The following TMEFF1 variants were observed in gnomAD, a reference collection of about 807,000 sequenced individuals.
TMEFF1 encodes tomoregulin-1.
In TMEFF1, 20 loss-of-function variants were observed where a neutral mutation model predicts 47.5. That is an observed-to-expected ratio of 0.42 (90% CI 0.30 to 0.61). The LOEUF (loss-of-function observed/expected upper bound fraction) is 0.61. TMEFF1 is among the 20% of genes least tolerant of loss of function. The pLI, the probability that TMEFF1 is intolerant of heterozygous loss-of-function variation, is 0.19. For synonymous variants in TMEFF1, 162 were observed against 166.3 expected (o/e 0.97, Z 0.20); for missense variants, 411 against 471.1 (o/e 0.87, Z 1.18).
At chr9:100,548,892 T>C (rs763729827) in intron 6 of TMEFF1, among the ~76,000 whole-genome samples, 5 of 152,070 alleles carry the variant, frequency 3.3e-5, no homozygotes, top group Non-Finnish European at 5.9e-5. Context: ...CCCTTCTGGG[T>C]AGATGTCCCA....
intron 7 of TMEFF1, among the ~76,000 whole-genome samples, chr9:100,550,667 A>G (rs1838814733): frequency 1.3e-5 from 2 of 152,120 alleles, no homozygotes; most frequent in African/African-American, 4.8e-5. Context: ...CTCTCTGAAC[A>G]CTTAGCCCAC....
chr9:100,481,779 T>C (rs982193334), intron 1 of TMEFF1, among the ~76,000 whole-genome samples: 1 of 152,136 alleles, frequency 6.6e-6, no homozygotes, highest in Non-Finnish European at 1.5e-5. Context: ...TTTATTTTTA[T>C]TTTTAATTGT....
At chr9:100,555,778 T>C (rs1838904431) in intron 7 of TMEFF1, among the ~76,000 whole-genome samples, 1 of 152,206 alleles carries the variant, frequency 6.6e-6, no homozygotes, top group Admixed American at 6.5e-5. Context: ...ATATTATGGT[T>C]CATAAGTGAC....
chr9:100,544,027 T>C (rs1285771898), intron 5 of TMEFF1, among the ~76,000 whole-genome samples: 5 of 151,996 alleles, frequency 3.3e-5, no homozygotes, highest in South Asian at 2.1e-4. Context: ...TGCAACCTTT[T>C]TAATTTTTTA....
At chr9:100,498,930 TA>T in intron 2 of TMEFF1, 56 bp downstream of exon 2, 1 of 1,557,922 alleles carries the variant, frequency 6.4e-7, no homozygotes, top group Non-Finnish European at 8.7e-7. Flanking sequence ...TTTATAATTC[TA>T]AATTCTTCAA....
intron 7 of TMEFF1, among the ~76,000 whole-genome samples, chr9:100,560,471 G>C (rs961016118): frequency 1.1e-4 from 16 of 152,046 alleles, no homozygotes; most frequent in African/African-American, 3.6e-4. Context: ...TTGAGCTTAG[G>C]ATTAATGTAT....
At chr9:100,536,236 A>G (rs1838503863) in intron 5 of TMEFF1, among the ~76,000 whole-genome samples, 1 of 152,188 alleles carries the variant, frequency 6.6e-6, no homozygotes, top group African/African-American at 2.4e-5. Context: ...GTTCTTTAGT[A>G]GAAAAAAATA....
At chr9:100,553,174 T>C (rs1838857025) in intron 7 of TMEFF1, among the ~76,000 whole-genome samples, 1 of 152,198 alleles carries the variant, frequency 6.6e-6, no homozygotes, top group African/African-American at 2.4e-5. Context: ...AGGGGATCAT[T>C]GACAATCTTG....
chr9:100,564,026 G>T (rs768153570), intron 8 of TMEFF1, among the ~76,000 whole-genome samples: 47 of 152,186 alleles, frequency 3.1e-4, no homozygotes, highest in Non-Finnish European at 6.2e-4. Context: ...TTTAGCCACA[G>T]TCCTATTGTT....
chr9:100,498,101 A>G (rs1439984046), intron 1 of TMEFF1, among the ~76,000 whole-genome samples: 3 of 152,148 alleles, frequency 2.0e-5, no homozygotes, highest in African/African-American at 4.8e-5. Flanking sequence ...AGCAGGAGCA[A>G]TATGACCACA....
At chr9:100,568,595 TCTTC>T (rs60796448) in intron 8 of TMEFF1, among the ~76,000 whole-genome samples, 2 of 149,512 alleles carry the variant, frequency 1.3e-5, no homozygotes, top group East Asian at 2.0e-4. Flanking sequence ...TCCCTCCCTC[TCTTC>T]CTTCCTTCCT....
intron 8 of TMEFF1, among the ~76,000 whole-genome samples, chr9:100,569,156 T>G (rs1839180578): frequency 6.6e-6 from 1 of 152,200 alleles, no homozygotes; most frequent in Admixed American, 6.5e-5. Context: ...GCCAGACCGT[T>G]TTCCAAAGTG....
intron 1 of TMEFF1, among the ~76,000 whole-genome samples, chr9:100,494,752 T>C (rs1837620581): frequency 1.3e-5 from 2 of 152,152 alleles, no homozygotes; most frequent in Admixed American, 1.3e-4. Context: ...AAGGGGAGAA[T>C]AGATCCAAGG....
chr9:100,503,548 A>ACG (rs1176982030), intron 2 of TMEFF1, among the ~76,000 whole-genome samples: 2 of 151,170 alleles, frequency 1.3e-5, no homozygotes, highest in African/African-American at 4.8e-5. Flanking sequence ...ACACACACAC[A>ACG]CACACACACA....
intron 4 of TMEFF1, among the ~76,000 whole-genome samples, 171 bp downstream of exon 4, chr9:100,513,504 C>T (rs1217637478): frequency 6.7e-6 from 1 of 150,372 alleles, no homozygotes; most frequent in Non-Finnish European, 1.5e-5. Flanking sequence ...GTTATATATT[C>T]ATTAGGATAT....
intron 3 of TMEFF1, 30 bp from the exon 4 acceptor site, chr9:100,513,277 T>C: frequency 1.3e-6 from 2 of 1,580,208 alleles, no homozygotes; most frequent in East Asian, 4.5e-5. Context: ...GGGAAAAATG[T>C]TCATATTCAT....
chr9:100,547,291 C>T (rs766165660), intron 5 of TMEFF1, among the ~76,000 whole-genome samples: 1 of 152,156 alleles, frequency 6.6e-6, no homozygotes. Context: ...GTTGGGATTA[C>T]AGTCATGAGC....
intron 2 of TMEFF1, among the ~76,000 whole-genome samples, chr9:100,507,897 A>G (rs1001087803): frequency 6.6e-6 from 1 of 152,206 alleles, no homozygotes; most frequent in South Asian, 2.1e-4. Flanking sequence ...ATTGATTTCT[A>G]AATGTGTAAT....
intron 1 of TMEFF1, among the ~76,000 whole-genome samples, chr9:100,491,824 T>G (rs1837556460): frequency 6.6e-6 from 1 of 152,108 alleles, no homozygotes; most frequent in South Asian, 2.1e-4. Context: ...AACATACACA[T>G]ATTTATTAAA....
Sources: allele counts gnomAD v4.1 joint callset (sites outside exome capture counted in the v4.1 genomes callset), GRCh38; gene constraint gnomAD v4.1.1; transcripts MANE v1.5; gene names NCBI Gene and HGNC (gene_info 2026-07-23, HGNC 2026-07-21).